The following WDR25 variants were observed in gnomAD, a reference collection of about 807,000 sequenced individuals.
The protein encoded by WDR25 is WD repeat domain 25, also known as WD repeat-containing protein 25.
In WDR25, 35 loss-of-function variants were observed where a neutral mutation model predicts 47.7. The observed-to-expected ratio is 0.73, with a 90% confidence interval of 0.56 to 0.97. The LOEUF (loss-of-function observed/expected upper bound fraction) is 0.97. WDR25 is among the 50% of genes least tolerant of loss of function. The pLI, the probability that WDR25 is intolerant of heterozygous loss-of-function variation, is 0.00. For missense variants in WDR25, 634 were observed against 704.7 expected (o/e 0.90, Z 1.14); for synonymous variants, 248 against 278.9 (o/e 0.89, Z 1.10).
intron 4 of WDR25, among the ~76,000 whole-genome samples, chr14:100,513,999 A>G (rs140610292): frequency 0.019 from 2,919 of 150,516 alleles, 100 homozygotes; most frequent in African/African-American, 0.067. Flanking sequence ...GCAGTGGCGC[A>G]ATCTCGGCTC....
chr14:100,518,244 T>A (rs757123954), intron 4 of WDR25, among the ~76,000 whole-genome samples: 5 of 152,230 alleles, frequency 3.3e-5, no homozygotes, highest in African/African-American at 7.2e-5. Context: ...AAAGATATTT[T>A]TGCTGTCTGT....
intron 2 of WDR25, among the ~76,000 whole-genome samples, chr14:100,453,227 G>T (rs1368206910): frequency 1.3e-5 from 2 of 152,210 alleles, no homozygotes. Context: ...TAGGGCAGTG[G>T]GTTGGACCTT....
At chr14:100,444,242 G>A (rs1452505127) in intron 2 of WDR25, among the ~76,000 whole-genome samples, 1 of 152,198 alleles carries the variant, frequency 6.6e-6, no homozygotes, top group Non-Finnish European at 1.5e-5. Flanking sequence ...GCGGTCAGAG[G>A]GAGCTGAAGC....
chr14:100,500,710 G>A lies in WDR25; in HGVS notation c.1101+16586G>A, dbSNP rs1223662996. On this transcript the variant is annotated intron_variant, in intron 4 of 6. Coordinates refer to ENST00000402312, the MANE Select transcript of WDR25 (RefSeq NM_001161476.3). The surrounding 1 kb of genome is among the most constrained non-coding windows in gnomAD (Gnocchi z 4.7). ...TCCATTGTCCTACGTGGCTTCTTTGGGGTTGAGGGTGCGTGGAGGAGGCAG... is the reference window on the plus strand; with the variant it reads ...TCCATTGTCCTACGTGGCTTCTTTGAGGTTGAGGGTGCGTGGAGGAGGCAG... 6.6e-6 allele frequency among the ~76,000 whole-genome samples: 1 copy of A among 152,178 alleles called. No homozygotes were observed. Among genetic ancestry groups the A allele is most frequent in the African/African-American group, 2.4e-5 (1 of 41,434 alleles).
At chr14:100,478,699 T>C (rs1595130557) in intron 3 of WDR25, among the ~76,000 whole-genome samples, 1 of 152,176 alleles carries the variant, frequency 6.6e-6, no homozygotes, top group Non-Finnish European at 1.5e-5. Context: ...CTTTAGGGGG[T>C]TGAGGAAAAA....
intron 2 of WDR25, among the ~76,000 whole-genome samples, chr14:100,457,220 G>T (rs1012580075): frequency 6.6e-6 from 1 of 152,176 alleles, no homozygotes; most frequent in Non-Finnish European, 1.5e-5. Context: ...CTCCCAAAGT[G>T]CTGGGATTAC....
intron 2 of WDR25, among the ~76,000 whole-genome samples, chr14:100,391,464 C>A (rs543867580): frequency 6.6e-6 from 1 of 152,334 alleles, no homozygotes; most frequent in African/African-American, 2.4e-5. Flanking sequence ...TCCCATCCGG[C>A]TTATTCCGCA....
chr14:100,487,293 T>TA (rs1359963079), intron 4 of WDR25, among the ~76,000 whole-genome samples: 1 of 152,236 alleles, frequency 6.6e-6, no homozygotes, highest in East Asian at 1.9e-4. Flanking sequence ...GTAGGAGATT[T>TA]AAAAAACTTT....
At chr14:100,521,203 CAGAG>C (rs1555397228) in intron 4 of WDR25, among the ~76,000 whole-genome samples, 2 of 149,970 alleles carry the variant, frequency 1.3e-5, no homozygotes, top group African/African-American at 2.5e-5. Flanking sequence ...CACACACACA[CAGAG>C]AGAGAGAGAG....
At chr14:100,431,602 A>C (rs946661809) in intron 2 of WDR25, among the ~76,000 whole-genome samples, 3 of 150,974 alleles carry the variant, frequency 2.0e-5, no homozygotes, top group African/African-American at 4.9e-5. Flanking sequence ...GCTGGAGTGC[A>C]ATGGGACGAT....
Position 100,381,001 on chromosome 14 carries a change from A to C in WDR25, c.77A>C (p.His26Pro), listed in dbSNP as rs78359884. 1 of 1,614,084 alleles carries C rather than the reference A, an allele frequency of 6.2e-7. No homozygotes were observed. Among genetic ancestry groups the C allele is most frequent in the Non-Finnish European group, 8.5e-7 (1 of 1,180,042 alleles). ...DDSDSEAETE[H>P]AGSFNATGQQ... ...TCGGACTCGGAGGCTGAGACAGAGC[A>C]TGCAGGAAGTTTTAATGCTACCGGC... Residue 26 changes from histidine to proline, a missense_variant, in exon 2 of 7, where the codon CAT becomes CCT. By Grantham distance (77) the His-to-Pro change is moderately conservative. Transcript: ENST00000402312.
chr14:100,427,053 G>A (rs1325546076), intron 2 of WDR25, among the ~76,000 whole-genome samples: 2 of 152,134 alleles, frequency 1.3e-5, no homozygotes, highest in Non-Finnish European at 2.9e-5. Context: ...GTCCATCAAT[G>A]TGTCTTCCAA....
At chr14:100,408,027 C>A (rs557126519) in intron 2 of WDR25, among the ~76,000 whole-genome samples, 1 of 151,554 alleles carries the variant, frequency 6.6e-6, no homozygotes, top group Non-Finnish European at 1.5e-5. Context: ...GCACTGGGGG[C>A]GGGGGTTGGG....
intron 2 of WDR25, among the ~76,000 whole-genome samples, chr14:100,394,389 T>C (rs544136099): frequency 6.6e-6 from 1 of 152,306 alleles, no homozygotes; most frequent in Admixed American, 6.5e-5. Context: ...CTTGCTGCTG[T>C]GTGGCCTGTG....
chr14:100,522,911 C>T (rs1159440656), intron 4 of WDR25, among the ~76,000 whole-genome samples: 1 of 152,136 alleles, frequency 6.6e-6, no homozygotes, highest in Non-Finnish European at 1.5e-5. Flanking sequence ...CTGCTGTGCT[C>T]CCACCTCCCA....
chr14:100,441,954 C>T (rs1595091940), intron 2 of WDR25, among the ~76,000 whole-genome samples: 1 of 152,178 alleles, frequency 6.6e-6, no homozygotes, highest in East Asian at 1.9e-4. Flanking sequence ...GAGGGTAAAG[C>T]AGTTGCTCAG....
At chr14:100,390,186 A>G (rs1897108874) in intron 2 of WDR25, among the ~76,000 whole-genome samples, 1 of 151,924 alleles carries the variant, frequency 6.6e-6, no homozygotes, top group South Asian at 2.1e-4. Context: ...TTTTTAATAT[A>G]GCATATTGTT....
intron 4 of WDR25, among the ~76,000 whole-genome samples, chr14:100,485,580 A>G (rs1247985446): frequency 6.6e-6 from 1 of 152,210 alleles, no homozygotes; most frequent in African/African-American, 2.4e-5. Flanking sequence ...GCCTGGGCAG[A>G]GAGTCTTTCA....
At chr14:100,467,560 C>G (rs111791414) in intron 2 of WDR25, among the ~76,000 whole-genome samples, 1 of 152,308 alleles carries the variant, frequency 6.6e-6, no homozygotes, top group African/African-American at 2.4e-5. Flanking sequence ...GTGGTGCAAT[C>G]GTGATTCACT....
Sources: gnomAD v4.1 joint callset for allele counts (sites outside exome capture counted in the v4.1 genomes callset) on GRCh38, gnomAD v4.1.1 for gene constraint, Gnocchi (gnomAD v3.1) non-coding constraint, MANE v1.5 for transcripts, NCBI Gene and HGNC (gene_info 2026-07-23, HGNC 2026-07-21) for gene names.